Variants in CNTN4 observed in about 807,000 individuals in gnomAD.
CNTN4 encodes contactin-4.
CNTN4 carries 77 observed loss-of-function variants against 122.5 expected under a neutral mutation model. The ratio of observed to expected loss-of-function variants is 0.63; its 90% confidence interval spans 0.52 to 0.76. CNTN4 has a LOEUF of 0.76. CNTN4 is among the 30% of genes least tolerant of loss of function. The pLI is 0.00. For missense variants in CNTN4, 1,256 were observed against 1,259.1 expected, an observed-to-expected ratio of 1.00 and a Z score of 0.04; for synonymous variants, 512 against 447.0, an observed-to-expected ratio of 1.15 and a Z score of -1.83.
At chr3:2,192,003 GT>G (rs1164230985) in intron 2 of CNTN4, among the ~76,000 whole-genome samples, 2 of 151,806 alleles carry the variant, frequency 1.3e-5, no homozygotes, top group African/African-American at 4.8e-5. Context: ...CCTTGTGATG[GT>G]TTGCTGAGAA....
At chr3:2,136,826 G>A (rs1396090513) in intron 2 of CNTN4, among the ~76,000 whole-genome samples, 2 of 152,232 alleles carry the variant, frequency 1.3e-5, no homozygotes, top group East Asian at 3.9e-4. Flanking sequence ...ACTGTGGAAA[G>A]TCGTTAATTA....
intron 2 of CNTN4, among the ~76,000 whole-genome samples, chr3:2,172,703 C>T (rs1229947896): frequency 1.3e-5 from 2 of 152,164 alleles, no homozygotes; most frequent in Non-Finnish European, 2.9e-5. Flanking sequence ...TGATGTCCAT[C>T]AGGACAACTG....
At chr3:2,591,395 C>T (rs111464098) in intron 4 of CNTN4, among the ~76,000 whole-genome samples, 2 of 34,800 alleles carry the variant, frequency 5.7e-5, no homozygotes, top group East Asian at 1.2e-3. Context: ...GACGGAGTCT[C>T]GCTCTGTCGC....
At chr3:2,651,708 C>CTTT (rs528994352) in intron 4 of CNTN4, among the ~76,000 whole-genome samples, 17 of 143,050 alleles carry the variant, frequency 1.2e-4, no homozygotes, top group South Asian at 8.8e-4. Flanking sequence ...TCTTTTTTTT[C>CTTT]TTTTTTTTTT....
At position 2,658,232 on chromosome 3, in the gene CNTN4, C is replaced by T. The variant is rs147489052; in HGVS notation, c.56-77983C>T. On this transcript the variant is annotated intron_variant, in intron 4 of 24. Coordinates refer to ENST00000418658, the MANE Select transcript of CNTN4 (RefSeq NM_175607.3). ...CTCTTCCTGTGTGGAACCTGGGATT[C>T]GGCAGGGTGGGAAGTGCTCTGTCAG... Among the ~76,000 whole-genome samples the T allele has an allele frequency of 2.1e-3, 325 of 151,644 alleles. 1 individual carries two copies. Among genetic ancestry groups the T allele is most frequent in the African/African-American group, 7.7e-3 (317 of 41,318 alleles).
chr3:2,420,091 T>C (rs569462803), intron 3 of CNTN4, among the ~76,000 whole-genome samples: 2 of 152,272 alleles, frequency 1.3e-5, no homozygotes, highest in African/African-American at 4.8e-5. Context: ...AAGCAAGCAT[T>C]GTGACTCCCT....
intron 2 of CNTN4, among the ~76,000 whole-genome samples, chr3:2,336,690 G>GT (rs34506096): frequency 1.3e-5 from 2 of 150,638 alleles, no homozygotes; most frequent in East Asian, 2.0e-4. Flanking sequence ...AAAAATTATA[G>GT]CTAAAACCTA....
At chr3:2,886,121 G>A (rs2093973871) in intron 9 of CNTN4, among the ~76,000 whole-genome samples, 1 of 152,098 alleles carries the variant, frequency 6.6e-6, no homozygotes, top group African/African-American at 2.4e-5. Flanking sequence ...TCAATGGGAG[G>A]AATGTGAAAG....
intron 2 of CNTN4, among the ~76,000 whole-genome samples, chr3:2,321,618 C>G (rs1362779375): frequency 1.3e-5 from 2 of 150,806 alleles, no homozygotes; most frequent in South Asian, 4.2e-4. Flanking sequence ...AATTTATTCT[C>G]TTTTCATACT....
chr3:2,384,571 T>G (rs11715813), intron 3 of CNTN4, among the ~76,000 whole-genome samples: 19,862 of 152,244 alleles, frequency 0.13, 1,655 homozygotes, highest in Non-Finnish European at 0.18. Flanking sequence ...AAACAAATCT[T>G]AAGTCATGGT....
intron 6 of CNTN4, among the ~76,000 whole-genome samples, chr3:2,799,497 C>T (rs1047581900): frequency 1.3e-5 from 2 of 152,010 alleles, no homozygotes; most frequent in South Asian, 4.1e-4. Context: ...GAGTCTCACT[C>T]TGTCACCCAG....
intron 3 of CNTN4, among the ~76,000 whole-genome samples, chr3:2,402,390 G>A (rs1011646025): frequency 2.6e-5 from 4 of 151,976 alleles, no homozygotes; most frequent in Non-Finnish European, 5.9e-5. Context: ...CTCCATCTCT[G>A]ATTTTTTATT....
rs529264021 is a variant in CNTN4, at chr3:2,953,199, G to A, written c.1358+27420G>A. On this transcript the variant is annotated intron_variant, in intron 13 of 24. Coordinates refer to ENST00000418658, the MANE Select transcript of CNTN4 (RefSeq NM_175607.3). ...CCCTTGTCTCAAACATGTCTCCACCGTGTGCCACCATTTTATGAATGGTGC... is the reference window on the plus strand; with the variant it reads ...CCCTTGTCTCAAACATGTCTCCACCATGTGCCACCATTTTATGAATGGTGC... 7.2e-5 allele frequency among the ~76,000 whole-genome samples: 11 copies of A among 152,138 alleles called. No individual in the cohort carries two copies. In the East Asian group the frequency reaches 1.9e-3, roughly 27 times the overall value.
intron 2 of CNTN4, among the ~76,000 whole-genome samples, chr3:2,205,095 A>G (rs2038277840): frequency 6.6e-6 from 1 of 151,948 alleles, no homozygotes; most frequent in Non-Finnish European, 1.5e-5. Context: ...AGGTCATGTA[A>G]ACACCAATTG....
chr3:2,681,934 C>T (rs989997767), intron 4 of CNTN4, among the ~76,000 whole-genome samples: 1 of 151,864 alleles, frequency 6.6e-6, no homozygotes, highest in Non-Finnish European at 1.5e-5. Context: ...AATATTTTTC[C>T]AGATACCTTG....
At chr3:2,949,027 C>G (rs902257721) in intron 13 of CNTN4, among the ~76,000 whole-genome samples, 4 of 152,068 alleles carry the variant, frequency 2.6e-5, no homozygotes, top group African/African-American at 7.2e-5. Flanking sequence ...CATAGCCAGG[C>G]CCCTACTTAT....
intron 4 of CNTN4, among the ~76,000 whole-genome samples, chr3:2,700,064 C>A (rs758476520): frequency 6.6e-6 from 1 of 152,040 alleles, no homozygotes; most frequent in Non-Finnish European, 1.5e-5. Flanking sequence ...TCCACTTTCA[C>A]GAAGTGCATG....
intron 6 of CNTN4, among the ~76,000 whole-genome samples, chr3:2,765,253 G>A (rs146192338): frequency 3.9e-5 from 6 of 152,058 alleles, no homozygotes; most frequent in Non-Finnish European, 8.8e-5. Flanking sequence ...ATCACCACTC[G>A]TACTTGTCGT....
intron 4 of CNTN4, among the ~76,000 whole-genome samples, chr3:2,605,611 C>T (rs2081225151): frequency 6.6e-6 from 1 of 152,030 alleles, no homozygotes; most frequent in African/African-American, 2.4e-5. Flanking sequence ...ATGGCTTAGA[C>T]CCAAGTGGTG....
Sources: allele counts gnomAD v4.1 joint callset (sites outside exome capture counted in the v4.1 genomes callset), GRCh38; gene constraint gnomAD v4.1.1; transcripts MANE v1.5; gene names NCBI Gene and HGNC (gene_info 2026-07-23, HGNC 2026-07-21).